The following EXT2 variants were observed in gnomAD, a reference collection of about 807,000 sequenced individuals.
EXT2 encodes the protein exostosin-2.
A neutral mutation model predicts 81.6 loss-of-function variants in EXT2; 53 were observed. The ratio of observed to expected loss-of-function variants is 0.65; its 90% CI spans 0.52 to 0.82. EXT2 has a LOEUF of 0.82. Among genes scored for constraint, EXT2 ranks in the 40% least tolerant of loss-of-function variants. The pLI is 0.00. For missense variants in EXT2, 774 were observed against 910.2 expected (o/e 0.85, Z 1.93); for synonymous variants, 320 against 340.0 (o/e 0.94, Z 0.65).
chr11:44,186,944 G>A (rs534044280), intron 8 of EXT2, among the ~76,000 whole-genome samples: 5 of 152,004 alleles, frequency 3.3e-5, no homozygotes, highest in Non-Finnish European at 5.9e-5. Flanking sequence ...AATCAAACCT[G>A]AGCTCAAAAC....
chr11:44,147,093 G>A (rs1336342330), intron 7 of EXT2, among the ~76,000 whole-genome samples: 1 of 152,082 alleles, frequency 6.6e-6, no homozygotes, highest in Non-Finnish European at 1.5e-5. Context: ...CCTGCCTTTT[G>A]TTGCCTCACC....
chr11:44,143,268 A>T (rs1954670031), intron 7 of EXT2, among the ~76,000 whole-genome samples: 1 of 152,226 alleles, frequency 6.6e-6, no homozygotes, highest in Admixed American at 6.5e-5. Flanking sequence ...ATACTTCCAG[A>T]TTAGAAACTA....
intron 7 of EXT2, among the ~76,000 whole-genome samples, chr11:44,150,970 A>C (rs1954784096): frequency 6.6e-6 from 1 of 152,234 alleles, no homozygotes; most frequent in Non-Finnish European, 1.5e-5. Context: ...CAGAAAATAG[A>C]TGCTGATTGT....
intron 10 of EXT2, among the ~76,000 whole-genome samples, chr11:44,219,525 A>G (rs1411525310): frequency 6.6e-6 from 1 of 152,146 alleles, no homozygotes; most frequent in East Asian, 1.9e-4. Flanking sequence ...TAAAAATGCA[A>G]AACAAGTCTT....
chr11:44,230,903 T>G (rs568512258), intron 10 of EXT2, among the ~76,000 whole-genome samples: 9 of 152,196 alleles, frequency 5.9e-5, no homozygotes, highest in Non-Finnish European at 1.3e-4. Flanking sequence ...GTGTCCTTTC[T>G]GGACTCAGCA....
chr11:44,193,756 G>T (rs1005144490), intron 8 of EXT2, among the ~76,000 whole-genome samples: 1 of 152,184 alleles, frequency 6.6e-6, no homozygotes, highest in Admixed American at 6.5e-5. Context: ...GCAAGATCCA[G>T]TTCTCCTTAT....
intron 1 of EXT2, among the ~76,000 whole-genome samples, chr11:44,100,407 C>T (rs1055413217): frequency 1.3e-5 from 2 of 152,226 alleles, no homozygotes; most frequent in African/African-American, 4.8e-5. Flanking sequence ...TACTCTCTAA[C>T]ATCACAGTTG....
chr11:44,199,478 G>A (rs1176965526), intron 9 of EXT2, among the ~76,000 whole-genome samples: 1 of 152,264 alleles, frequency 6.6e-6, no homozygotes, highest in Admixed American at 6.5e-5. Context: ...GTGGCCTGTT[G>A]TGTCTTGCAG....
chr11:44,189,112 T>C (rs1278156343), intron 8 of EXT2, among the ~76,000 whole-genome samples: 1 of 152,186 alleles, frequency 6.6e-6, no homozygotes, highest in Non-Finnish European at 1.5e-5. Flanking sequence ...TCTGGCTCAG[T>C]TTCTTCAGAT....
rs541295396 is a variant in EXT2, at chr11:44,135,393, T to C, written c.1173+5255T>C. Among the ~76,000 whole-genome samples the C allele has an allele frequency of 4.2e-5, 6 of 143,704 alleles. No homozygotes were observed. In the South Asian group the frequency reaches 8.8e-4, roughly 21 times the overall value. The allele number at this position is 143,704 out of a possible 152,430, so 94.3% of individuals were successfully genotyped here. The stretch of plus-strand genomic sequence containing the variant: ...ATGAATAAAGAGGATGGAAATACTT[T>C]TTTTTTTTTTTTTTTTGAGACAGAG... On this transcript the variant is annotated intron_variant, in intron 7 of 13. Coordinates refer to ENST00000533608, the MANE Select transcript of EXT2 (RefSeq NM_207122.2).
intron 7 of EXT2, among the ~76,000 whole-genome samples, chr11:44,154,759 A>C (rs1954836500): frequency 6.6e-6 from 1 of 152,050 alleles, no homozygotes; most frequent in African/African-American, 2.4e-5. Flanking sequence ...TCCCACCAAC[A>C]CTGTATGAGG....
intron 13 of EXT2, among the ~76,000 whole-genome samples, chr11:44,240,732 A>G (rs1179689381): frequency 6.6e-6 from 1 of 152,240 alleles, no homozygotes; most frequent in African/African-American, 2.4e-5. Flanking sequence ...TGGGAACAAA[A>G]CTATTTATAT....
At chr11:44,130,857 C>T (rs1171345480) in intron 7 of EXT2, among the ~76,000 whole-genome samples, 2 of 152,224 alleles carry the variant, frequency 1.3e-5, no homozygotes, top group Admixed American at 6.5e-5. Flanking sequence ...AGAGGCTTGG[C>T]GGATTCTCAG....
At chr11:44,201,045 C>T (rs567629520) in intron 9 of EXT2, among the ~76,000 whole-genome samples, 8 of 152,106 alleles carry the variant, frequency 5.3e-5, no homozygotes, top group Non-Finnish European at 8.8e-5. Context: ...AATTCTGCAA[C>T]GCATTTGAAA....
chr11:44,247,217 T>C lies in EXT2; in HGVS notation c.*2930T>C, dbSNP rs1956101764. Among the ~76,000 whole-genome samples, 3 of 151,356 alleles carry C rather than the reference T, an allele frequency of 2.0e-5. No individual in the cohort carries two copies. The highest frequency in any genetic ancestry group is 1.3e-4 in the Admixed American group (2 of 15,232). ...TTAGTTGTCAGAATCTTGTGTTCTT[T>C]CCTGCCAGTGATGCTCTGCTGTATC... On this transcript the variant is annotated 3_prime_UTR_variant, in exon 14 of 14. Transcript: ENST00000533608.
chr11:44,174,416 A>G (rs900822667), intron 8 of EXT2, among the ~76,000 whole-genome samples: 2 of 151,586 alleles, frequency 1.3e-5, no homozygotes, highest in African/African-American at 4.8e-5. Context: ...CATTTTATAT[A>G]TATATATATA....
At chr11:44,181,680 T>G (rs1955238150) in intron 8 of EXT2, among the ~76,000 whole-genome samples, 1 of 152,222 alleles carries the variant, frequency 6.6e-6, no homozygotes, top group South Asian at 2.1e-4. Flanking sequence ...AACTTCCTAA[T>G]TTTGTTTTAA....
chr11:44,191,155 C>T (rs185576646), intron 8 of EXT2, among the ~76,000 whole-genome samples: 135 of 152,332 alleles, frequency 8.9e-4, no homozygotes, highest in African/African-American at 3.1e-3. Context: ...TGTGACCTGA[C>T]AGTTCTCGTG....
At chr11:44,232,015 C>A (rs1179612882) in intron 10 of EXT2, among the ~76,000 whole-genome samples, 2 of 152,108 alleles carry the variant, frequency 1.3e-5, no homozygotes, top group Non-Finnish European at 2.9e-5. Context: ...ATTTATCCTT[C>A]ATTTTGTGAA....
Sources: gnomAD v4.1 joint callset for allele counts (sites outside exome capture counted in the v4.1 genomes callset) on GRCh38, gnomAD v4.1.1 for gene constraint, MANE v1.5 for transcripts, NCBI Gene and HGNC (gene_info 2026-07-23, HGNC 2026-07-21) for gene names.